The following UNC79 variants were observed in gnomAD, a reference collection of about 807,000 sequenced individuals.
UNC79 encodes protein unc-79 homolog.
A neutral mutation model predicts 283.1 loss-of-function variants in UNC79; 37 were observed. That is an observed-to-expected ratio of 0.13 (90% confidence interval 0.10 to 0.17). The LOEUF is 0.17. Among genes scored for constraint, UNC79 ranks in the 10% least tolerant of loss-of-function variants. The pLI is 1.00. For missense variants in UNC79, 2,272 were observed against 3,211.1 expected, an observed-to-expected ratio of 0.71 and a Z score of 7.07; for synonymous variants, 1,107 against 1,200.2, an observed-to-expected ratio of 0.92 and a Z score of 1.61.
intron 2 of UNC79, among the ~76,000 whole-genome samples, chr14:93,469,523 T>C (rs935326926): frequency 2.0e-5 from 3 of 152,208 alleles, no homozygotes; most frequent in Non-Finnish European, 2.9e-5. Flanking sequence ...GGCTGGCATC[T>C]ATAATCCCAG....
At chr14:93,548,871 T>C (rs930952219) in intron 14 of UNC79, among the ~76,000 whole-genome samples, 6 of 152,240 alleles carry the variant, frequency 3.9e-5, no homozygotes, top group Admixed American at 2.6e-4. Flanking sequence ...TCAACTCTTA[T>C]TATCCTTTAT....
intron 20 of UNC79, 93 bp downstream of exon 20, chr14:93,582,437 A>C: frequency 1.3e-6 from 2 of 1,529,246 alleles, no homozygotes; most frequent in Non-Finnish European, 8.8e-7. Context: ...ACTTGGGCAA[A>C]TTCAGACGTG....
chr14:93,704,715 G>T (rs566719374), intron 48 of UNC79, 49 bp downstream of exon 51: 1 of 1,595,400 alleles, frequency 6.3e-7, no homozygotes, highest in Non-Finnish European at 8.6e-7. Flanking sequence ...TGCAGAGAAC[G>T]TATAACGTTC....
At chr14:93,483,706 G>A (rs997704145) in intron 4 of UNC79, among the ~76,000 whole-genome samples, 1 of 128,074 alleles carries the variant, frequency 7.8e-6, no homozygotes, top group African/African-American at 3.0e-5. Flanking sequence ...CGACACATGA[G>A]AGGCCCCTGT....
intron 41 of UNC79, among the ~76,000 whole-genome samples, chr14:93,677,127 C>T (rs182482079): frequency 6.6e-5 from 10 of 152,256 alleles, no homozygotes; most frequent in Admixed American, 5.2e-4. Flanking sequence ...AATCTTTGTT[C>T]TATAAACTCT....
chr14:93,666,499 A>C (rs1479851782), intron 40 of UNC79, among the ~76,000 whole-genome samples: 3 of 152,188 alleles, frequency 2.0e-5, no homozygotes, highest in African/African-American at 7.2e-5. Flanking sequence ...TTAAGTTGAA[A>C]AGCATTATTA....
intron 30 of UNC79, among the ~76,000 whole-genome samples, chr14:93,630,569 T>C (rs1200333129): frequency 1.3e-5 from 2 of 152,222 alleles, no homozygotes; most frequent in Admixed American, 6.5e-5. Flanking sequence ...GTAATTTTGC[T>C]ATCATTAATC....
chr14:93,661,170 A>G (rs1219945639), intron 39 of UNC79, among the ~76,000 whole-genome samples: 8 of 152,176 alleles, frequency 5.3e-5, no homozygotes, highest in African/African-American at 1.9e-4. Flanking sequence ...TGCTAATTTC[A>G]TGTAAAATAT....
chr14:93,569,329 C>T (rs550759218), intron 14 of UNC79, among the ~76,000 whole-genome samples: 46 of 151,936 alleles, frequency 3.0e-4, no homozygotes, highest in Non-Finnish European at 6.3e-4. Flanking sequence ...CCATGCAACT[C>T]GGGAGGCTGA....
chr14:93,634,010 T>C (rs1331609418), intron 31 of UNC79, among the ~76,000 whole-genome samples: 5 of 152,150 alleles, frequency 3.3e-5, no homozygotes, highest in African/African-American at 1.2e-4. Context: ...TTTCATTTGC[T>C]TCAATTTCTC....
intron 7 of UNC79, among the ~76,000 whole-genome samples, chr14:93,508,623 T>C (rs1157961755): frequency 1.3e-5 from 2 of 151,260 alleles, no homozygotes; most frequent in Non-Finnish European, 2.9e-5. Context: ...AATTCCTAGG[T>C]GTTTGAATTT....
intron 1 of UNC79, among the ~76,000 whole-genome samples, chr14:93,341,311 G>A (rs1023595599): frequency 1.3e-5 from 2 of 151,970 alleles, no homozygotes; most frequent in African/African-American, 4.8e-5. Context: ...ACAAAAATGA[G>A]CCAGGCGTGG....
chr14:93,653,829 G>T (rs753101383), exon 36 of UNC79: 2 of 1,614,058 alleles, frequency 1.2e-6, no homozygotes. Flanking sequence ...GCATCTTCCC[G>T]CAGCTGTTCC....
intron 1 of UNC79, among the ~76,000 whole-genome samples, chr14:93,455,912 T>TTGTGTGTGTGTGTG (rs10654684): frequency 4.9e-5 from 7 of 144,128 alleles, no homozygotes; most frequent in African/African-American, 1.8e-4. Flanking sequence ...GTACAATGGA[T>TTGTGTGTGTGTGTG]TGTGTGTGTG....
intron 1 of UNC79, among the ~76,000 whole-genome samples, chr14:93,386,838 G>C (rs543109408): frequency 6.9e-6 from 1 of 144,140 alleles, no homozygotes; most frequent in Non-Finnish European, 1.5e-5. Flanking sequence ...CTAAAGGTTT[G>C]TCACTCTTGT....
At chr14:93,611,805 A>C (rs2066327051) in intron 26 of UNC79, among the ~76,000 whole-genome samples, 1 of 152,154 alleles carries the variant, frequency 6.6e-6, no homozygotes, top group Non-Finnish European at 1.5e-5. Context: ...CACCAGACAA[A>C]ACATTTGTTT....
At chr14:93,466,516 A>G (rs2057189129) in intron 1 of UNC79, among the ~76,000 whole-genome samples, 1 of 152,198 alleles carries the variant, frequency 6.6e-6, no homozygotes, top group Non-Finnish European at 1.5e-5. Context: ...GGAAGTGGTT[A>G]TGGGAAGAGG....
intron 1 of UNC79, among the ~76,000 whole-genome samples, chr14:93,420,824 G>A (rs1282964354): frequency 6.6e-6 from 1 of 151,496 alleles, no homozygotes; most frequent in East Asian, 1.9e-4. Flanking sequence ...CTCTACAAAC[G>A]TGGAAATTAA....
exon 1 of UNC79, chr14:93,333,241 C>CGGGCGTCGGGTCGCTGGGAGT: frequency 2.5e-6 from 1 of 400,308 alleles, no homozygotes; most frequent in Non-Finnish European, 4.4e-6. Flanking sequence ...CGGCTGGGAG[C>CGGGCGTCGGGTCGCTGGGAGT]CGGGCGTCGG....
Sources: gnomAD v4.1 joint callset for allele counts (sites outside exome capture counted in the v4.1 genomes callset) on GRCh38, gnomAD v4.1.1 for gene constraint, MANE v1.5 for transcripts, NCBI Gene and HGNC (gene_info 2026-07-23, HGNC 2026-07-21) for gene names.